NEIL3: variants seen among roughly 807,000 people sequenced by gnomAD.
NEIL3 encodes the protein endonuclease 8-like 3.
In NEIL3, 48 loss-of-function variants were observed where a neutral mutation model predicts 57.5. The ratio of observed to expected loss-of-function variants is 0.83; its 90% CI spans 0.66 to 1.06. The LOEUF is 1.06. Among genes scored for constraint, NEIL3 ranks in the 50% least tolerant of loss-of-function variants. The pLI, the probability that NEIL3 is intolerant of heterozygous loss-of-function variation, is 0.00. For missense variants in NEIL3, 717 were observed against 739.1 expected, an observed-to-expected ratio of 0.97 and a Z score of 0.35; for synonymous variants, 261 against 253.2, an observed-to-expected ratio of 1.03 and a Z score of -0.29.
intron 8 of NEIL3, chr4:177,357,139 C>A (rs1735489100): frequency 6.6e-6 from 1 of 152,164 alleles, no homozygotes; most frequent in Non-Finnish European, 1.5e-5. Context: ...TGAGTCATTT[C>A]ACTTTTGTTT....
At chr4:177,351,640 C>A in intron 7 of NEIL3, 91 bp downstream of exon 7, 3 of 984,796 alleles carry the variant, frequency 3.0e-6, no homozygotes, top group Admixed American at 2.5e-5. Context: ...TCTTGATATT[C>A]CATAACTAAA....
rs201094152 is a variant in NEIL3, at chr4:177,338,022, T to TCACACA, written c.627+1702_627+1703insACACAC. Reference sequence around the variant, plus strand: ...AACAGAGCGAGACTCTGTCTCTCTCTCTCACACACACACACACACACACAC... The same window carrying TCACACA: ...AACAGAGCGAGACTCTGTCTCTCTCTCACACACTCACACACACACACACACACACAC... On this transcript the variant is annotated intron_variant, in intron 4 of 9. Transcript: ENST00000264596. Among the ~76,000 whole-genome samples, 623 of 129,228 alleles carry TCACACA rather than the reference T, an allele frequency of 4.8e-3. 4 individuals carry two copies. The highest frequency in any genetic ancestry group is 0.018 in the African/African-American group (574 of 31,572). 84.8% of individuals were successfully genotyped at this position (129,228 alleles called of 152,430 possible). A position where few individuals can be genotyped will look rare whatever the true frequency, so the allele number is the denominator to read the frequency against.
intron 2 of NEIL3, among the ~76,000 whole-genome samples, chr4:177,331,315 C>T (rs377353789): frequency 6.6e-6 from 1 of 151,580 alleles, no homozygotes. Context: ...CTGCTCTGTG[C>T]GGTCTGCTGG....
intron 2 of NEIL3, among the ~76,000 whole-genome samples, chr4:177,326,893 G>C (rs1734789866): frequency 6.6e-6 from 1 of 152,036 alleles, no homozygotes; most frequent in Non-Finnish European, 1.5e-5. Flanking sequence ...CTTGTATCCT[G>C]CAACCTTGCT....
intron 1 of NEIL3, among the ~76,000 whole-genome samples, chr4:177,319,579 A>G (rs1028487249): frequency 3.9e-5 from 6 of 152,058 alleles, no homozygotes; most frequent in African/African-American, 9.7e-5. Flanking sequence ...ACTATACCCA[A>G]TGTGTAGTCT....
At chr4:177,345,116 G>T (rs1313209889) in intron 6 of NEIL3, among the ~76,000 whole-genome samples, 1 of 152,268 alleles carries the variant, frequency 6.6e-6, no homozygotes, top group Admixed American at 6.5e-5. Context: ...GCACCGTGAT[G>T]GAAGTGTTGT....
At chr4:177,366,485 G>A (rs1434396172), downstream of NEIL3, among the ~76,000 whole-genome samples, 1 of 152,100 alleles carries the variant, frequency 6.6e-6, no homozygotes, top group Non-Finnish European at 1.5e-5. Flanking sequence ...TGCAACCTCC[G>A]CTTCCTGGGT....
rs77375451 is a variant in NEIL3 at position 177,320,961 on chromosome 4, T to C, written c.157-1498T>C. Among the ~76,000 whole-genome samples, 55 of 142,144 alleles carry C rather than the reference T, an allele frequency of 3.9e-4. No homozygotes were observed. The Middle Eastern group carries it at 0.011, about 27-fold the overall frequency. 93.3% of individuals were successfully genotyped at this position (142,144 alleles called of 152,430 possible). A position where few individuals can be genotyped will look rare whatever the true frequency, so the allele number is the denominator to read the frequency against. On this transcript the variant is annotated intron_variant, in intron 1 of 9. Coordinates refer to ENST00000264596, the MANE Select transcript of NEIL3 (RefSeq NM_018248.3). ...TAGTGGAAGAATAGTGTCTGTCTCT[T>C]TTTTTTTTTTTTCTTTATCTCCCTG...
chr4:177,361,821 T>G (rs1050245123), intron 9 of NEIL3, among the ~76,000 whole-genome samples: 9 of 152,232 alleles, frequency 5.9e-5, no homozygotes, highest in African/African-American at 1.9e-4. Context: ...AGACAGGGTC[T>G]CCCTATGTTG....
At chr4:177,355,830 T>C (rs1191256970) in intron 8 of NEIL3, among the ~76,000 whole-genome samples, 1 of 152,202 alleles carries the variant, frequency 6.6e-6, no homozygotes, top group African/African-American at 2.4e-5. Flanking sequence ...GCTCTAAATT[T>C]ACCATCAGTT....
Position 177,353,489 on chromosome 4 carries a change from G to A in NEIL3, c.1221G>A (p.Lys407=). The A allele has an allele frequency of 6.2e-7, 1 of 1,613,766 alleles. No individual in the cohort carries two copies. The highest frequency in any genetic ancestry group is 8.5e-7 in the Non-Finnish European group (1 of 1,179,892). The change falls in exon 8 of 10, where the codon AAG becomes AAA. Residue 407 remains lysine (K), a synonymous_variant. Coordinates refer to ENST00000264596, the MANE Select transcript of NEIL3 (RefSeq NM_018248.3). ...CCAGTACTTTGGAAAGAAAAACAAA[G>A]CAAAACCAGATACTAGATGAGGAGT... ...NKSSTLERKT[K]QNQILDEEFQ... is the part of the protein sequence containing the mutation.
At chr4:177,310,578 C>T (rs1247642743) in intron 1 of NEIL3, among the ~76,000 whole-genome samples, 1 of 152,172 alleles carries the variant, frequency 6.6e-6, no homozygotes, top group Non-Finnish European at 1.5e-5. Context: ...TCTAAAACTA[C>T]ACGTAGAAAA....
rs1734706827 is a variant in NEIL3 at position 177,322,584 on chromosome 4, A to G, written c.278+4A>G. ...ACTTTGGACCAAAAGCTTTACGGTA[A>G]GATAAGCCTGTACGATACATCTTAT... On this transcript the variant is annotated splice_donor_region_variant and intron_variant, in intron 2 of 9. Transcript: ENST00000264596. 3.1e-6 allele frequency: 5 copies of G among 1,613,836 alleles called. No individual in the cohort carries two copies. The African/African-American group carries it at 4.0e-5, about 13-fold the overall frequency.
intron 2 of NEIL3, among the ~76,000 whole-genome samples, chr4:177,334,201 A>G (rs952236948): frequency 3.3e-5 from 5 of 152,096 alleles, no homozygotes; most frequent in African/African-American, 9.7e-5. Flanking sequence ...CTGTGCCTCA[A>G]ATATTTTCAT....
At chr4:177,322,422 T>A (rs1299640250) in intron 1 of NEIL3, 37 bp from the exon 2 acceptor site, 5 of 1,612,808 alleles carry the variant, frequency 3.1e-6, no homozygotes, top group Non-Finnish European at 4.2e-6. Context: ...AGTTTGTGTG[T>A]GTGTGTGCTT....
intron 5 of NEIL3, among the ~76,000 whole-genome samples, chr4:177,340,429 C>A (rs983292993): frequency 6.6e-6 from 1 of 152,200 alleles, no homozygotes; most frequent in African/African-American, 2.4e-5. Context: ...ATAAACACAT[C>A]TTTTAAACAA....
chr4:177,328,343 A>G (rs1169816162), intron 2 of NEIL3, among the ~76,000 whole-genome samples: 3 of 152,188 alleles, frequency 2.0e-5, no homozygotes, highest in Non-Finnish European at 4.4e-5. Context: ...AACAAACCAC[A>G]GATCCAAGAA....
downstream of NEIL3, among the ~76,000 whole-genome samples, chr4:177,367,017 T>A (rs760910340): frequency 2.0e-5 from 3 of 152,210 alleles, no homozygotes; most frequent in Non-Finnish European, 4.4e-5. Context: ...TTTCTGGGGT[T>A]TTTTTGCTAA....
In NEIL3 at chr4:177,348,796, G is replaced by A. The variant is rs372938690; in HGVS notation, c.870-2584G>A. ...TAGGTCTGGGCCTGATGAATTGAGC[G>A]ATACTGATGCCATTTCCTGACATGA... On this transcript the variant is annotated intron_variant, in intron 6 of 9. Coordinates refer to ENST00000264596, the MANE Select transcript of NEIL3 (RefSeq NM_018248.3). 8.7e-5 allele frequency among the ~76,000 whole-genome samples: 13 copies of A among 149,690 alleles called. No homozygotes were observed. In the East Asian group the frequency reaches 2.0e-3, roughly 23 times the overall value.
Sources: gnomAD v4.1 joint callset for allele counts (sites outside exome capture counted in the v4.1 genomes callset) on GRCh38, gnomAD v4.1.1 for gene constraint, MANE v1.5 for transcripts, NCBI Gene and HGNC (gene_info 2026-07-23, HGNC 2026-07-21) for gene names.